The following CNTN5 variants were observed in gnomAD, a reference collection of about 807,000 sequenced individuals.
The protein encoded by CNTN5 is contactin 5, also known as contactin-5.
CNTN5 carries 77 observed loss-of-function variants against 129.1 expected under a neutral mutation model. The ratio of observed to expected loss-of-function variants is 0.60; its 90% CI spans 0.50 to 0.72. The LOEUF (loss-of-function observed/expected upper bound fraction) is 0.72, where lower values mean the gene tolerates loss of function less well. CNTN5 is among the 30% of genes least tolerant of loss of function. The pLI, the probability that CNTN5 is intolerant of heterozygous loss-of-function variation, is 0.00. For missense variants in CNTN5, 1,478 were observed against 1,328.8 expected, an observed-to-expected ratio of 1.11 and a Z score of -1.75; for synonymous variants, 509 against 465.6, an observed-to-expected ratio of 1.09 and a Z score of -1.20.
chr11:99,696,222 G>C (rs975212400), intron 3 of CNTN5, among the ~76,000 whole-genome samples: 1 of 152,052 alleles, frequency 6.6e-6, no homozygotes, highest in African/African-American at 2.4e-5. Flanking sequence ...TTAAAGATAT[G>C]TTTGCCACAA....
chr11:99,667,572 A>T (rs1417708846), intron 3 of CNTN5, among the ~76,000 whole-genome samples: 2 of 152,204 alleles, frequency 1.3e-5, no homozygotes, highest in African/African-American at 4.8e-5. Flanking sequence ...ATTGAAATCG[A>T]TAAATTTCAA....
chr11:99,624,107 A>C (rs1367560024), intron 3 of CNTN5, among the ~76,000 whole-genome samples: 1 of 152,062 alleles, frequency 6.6e-6, no homozygotes, highest in Admixed American at 6.6e-5. Flanking sequence ...ATGTCTCCTC[A>C]TAGGCTTATT....
At chr11:99,841,377 A>G (rs554709850) in intron 4 of CNTN5, among the ~76,000 whole-genome samples, 1 of 152,278 alleles carries the variant, frequency 6.6e-6, no homozygotes, top group East Asian at 1.9e-4. Flanking sequence ...TTTTCAGAAC[A>G]TAAAATTTGG....
At chr11:99,775,399 T>TAA (rs1945089170) in intron 3 of CNTN5, among the ~76,000 whole-genome samples, 1 of 152,060 alleles carries the variant, frequency 6.6e-6, no homozygotes, top group African/African-American at 2.4e-5. Context: ...ATGACACTGT[T>TAA]CAGAATGAGT....
chr11:99,888,793 C>G (rs6590399), intron 6 of CNTN5, among the ~76,000 whole-genome samples: 18 of 152,102 alleles, frequency 1.2e-4, no homozygotes, highest in Non-Finnish European at 2.6e-4. Context: ...TGAGGAATTA[C>G]GGAACAGTTG....
chr11:99,552,119 G>A (rs1160098684), intron 2 of CNTN5, among the ~76,000 whole-genome samples: 1 of 151,690 alleles, frequency 6.6e-6, no homozygotes, highest in Admixed American at 6.6e-5. Context: ...TGTTGGCCAG[G>A]CTGGTCTCAA....
chr11:99,038,714 C>T (rs1565267953), intron 1 of CNTN5, among the ~76,000 whole-genome samples: 1 of 145,622 alleles, frequency 6.9e-6, no homozygotes, highest in Non-Finnish European at 1.5e-5. Flanking sequence ...TCCATAACTT[C>T]TACAAAGTTA....
intron 2 of CNTN5, among the ~76,000 whole-genome samples, chr11:99,427,410 C>T (rs1336412039): frequency 6.6e-6 from 1 of 152,034 alleles, no homozygotes; most frequent in East Asian, 1.9e-4. Flanking sequence ...CAGGCCTTCT[C>T]AAAGGGGAGA....
chr11:99,583,207 G>A (rs1336644388), intron 3 of CNTN5, among the ~76,000 whole-genome samples: 1 of 152,136 alleles, frequency 6.6e-6, no homozygotes, highest in African/African-American at 2.4e-5. Flanking sequence ...AGGAGTACCC[G>A]GCCGTGTGAG....
chr11:99,571,479 T>C (rs1166239177), intron 3 of CNTN5, among the ~76,000 whole-genome samples: 1 of 152,158 alleles, frequency 6.6e-6, no homozygotes, highest in Non-Finnish European at 1.5e-5. Context: ...TTAGGAAACC[T>C]TGACACTTTA....
intron 13 of CNTN5, among the ~76,000 whole-genome samples, chr11:100,168,896 C>T (rs904013980): frequency 6.6e-6 from 1 of 151,734 alleles, no homozygotes; most frequent in African/African-American, 2.4e-5. Flanking sequence ...AGAATATCAA[C>T]ATTAACAGGA....
chr11:100,349,450 G>A (rs1952356652), intron 23 of CNTN5, among the ~76,000 whole-genome samples: 1 of 151,806 alleles, frequency 6.6e-6, no homozygotes, highest in Admixed American at 6.6e-5. Context: ...ACCAGGTCCT[G>A]TGCTAGGTAT....
intron 2 of CNTN5, among the ~76,000 whole-genome samples, chr11:99,447,535 C>T (rs779276704): frequency 2.0e-5 from 3 of 152,156 alleles, no homozygotes; most frequent in Non-Finnish European, 2.9e-5. Flanking sequence ...TAAAAATTCC[C>T]TATGCCAGTT....
chr11:99,468,975 T>G (rs1945061053), intron 2 of CNTN5, among the ~76,000 whole-genome samples: 1 of 152,158 alleles, frequency 6.6e-6, no homozygotes, highest in South Asian at 2.1e-4. Context: ...AAATTACCTG[T>G]GCTTATTTTT....
chr11:99,970,011 A>G (rs1444693956), intron 8 of CNTN5, among the ~76,000 whole-genome samples: 2 of 152,158 alleles, frequency 1.3e-5, no homozygotes, highest in Admixed American at 6.5e-5. Flanking sequence ...TATTAATTAC[A>G]TTACCTTTCT....
At chr11:100,339,472 T>C (rs1207920319) in intron 21 of CNTN5, among the ~76,000 whole-genome samples, 1 of 152,034 alleles carries the variant, frequency 6.6e-6, no homozygotes, top group Non-Finnish European at 1.5e-5. Flanking sequence ...GATGTTTCTC[T>C]GCACAGGACG....
intron 2 of CNTN5, among the ~76,000 whole-genome samples, chr11:99,421,376 G>T (rs147145767): frequency 1.3e-5 from 2 of 152,274 alleles, no homozygotes; most frequent in East Asian, 1.9e-4. Flanking sequence ...GCTACCCAGA[G>T]AACTGGGAAG....
At chr11:99,618,008 T>G (rs1950813837) in intron 3 of CNTN5, among the ~76,000 whole-genome samples, 1 of 152,170 alleles carries the variant, frequency 6.6e-6, no homozygotes. Context: ...CATAGAACTT[T>G]AATGAAGGAG....
At chr11:99,450,697 A>G (rs1027601698) in intron 2 of CNTN5, among the ~76,000 whole-genome samples, 6 of 150,998 alleles carry the variant, frequency 4.0e-5, no homozygotes. Flanking sequence ...TCTCAGTATG[A>G]GAGCTGAAAC....
Sources: allele counts gnomAD v4.1 joint callset (sites outside exome capture counted in the v4.1 genomes callset), GRCh38; gene constraint gnomAD v4.1.1; transcripts MANE v1.5; gene names NCBI Gene and HGNC (gene_info 2026-07-23, HGNC 2026-07-21).